CEP290: variants seen among roughly 807,000 people sequenced by gnomAD.
CEP290 encodes the protein centrosomal protein of 290 kDa.
A neutral mutation model predicts 344.9 loss-of-function variants in CEP290; 317 were observed. The observed-to-expected ratio is 0.92, with a 90% confidence interval of 0.84 to 1.01. CEP290 has a LOEUF of 1.01. Ranked by LOEUF, CEP290 falls within the 50% of genes least tolerant of loss-of-function variation. The pLI is 0.00. For synonymous variants in CEP290, 932 were observed against 895.8 expected (o/e 1.04, Z -0.72); for missense variants, 2,754 against 2,761.4 (o/e 1.00, Z 0.06).
rs1565822601 is a variant in CEP290, at chr12:88,077,789, C to A, written c.5494G>T (p.Ala1832Ser). 2 of 1,564,018 alleles carry A rather than the reference C, an allele frequency of 1.3e-6. No homozygotes were observed. The highest frequency in any genetic ancestry group is 1.4e-5 in the African/African-American group (1 of 73,102). The change falls in exon 40 of 54, where the codon GCC (alanine) becomes TCC (serine). Residue 1832 changes from alanine to serine, a missense_variant. By Grantham distance (99) the Ala-to-Ser change is moderately conservative. Transcript: ENST00000552810. ...LNNELQKKQK[A>S]YNKILREKEE... Reference sequence around the variant, plus strand: ...TTCTCTCTAAGTATTTTATTATAGGCTTTTTGTTTCTTTTGCAGTTCATTA... The same window carrying A: ...TTCTCTCTAAGTATTTTATTATAGGATTTTTGTTTCTTTTGCAGTTCATTA...
intron 11 of CEP290, among the ~76,000 whole-genome samples, chr12:88,127,366 T>C (rs1394443330): frequency 3.9e-5 from 6 of 152,154 alleles, no homozygotes; most frequent in African/African-American, 1.4e-4. Flanking sequence ...CACATGCCTG[T>C]AATCCCAGCT....
At chr12:88,082,281 CAA>C (rs1210540806) in intron 37 of CEP290, among the ~76,000 whole-genome samples, 1 of 152,138 alleles carries the variant, frequency 6.6e-6, no homozygotes, top group Admixed American at 6.5e-5. Context: ...AGTGTGTAAT[CAA>C]AAGTTTTCTA....
chr12:88,124,134 T>G (rs1328175272), intron 13 of CEP290, among the ~76,000 whole-genome samples: 1 of 152,052 alleles, frequency 6.6e-6, no homozygotes, highest in Admixed American at 6.6e-5. Context: ...TAAGTCAAAT[T>G]ATATCATTTC....
chr12:88,126,530 T>C (rs916591934), intron 11 of CEP290, 92 bp from the exon 12 acceptor site: 2 of 836,304 alleles, frequency 2.4e-6, no homozygotes, highest in Non-Finnish European at 3.4e-6. Flanking sequence ...TTAGTAGATT[T>C]ATGATACAGA....
chr12:88,050,479 G>A (rs368103779), intron 52 of CEP290, 46 bp from the exon 53 acceptor site: 48 of 883,508 alleles, frequency 5.4e-5, no homozygotes, highest in Non-Finnish European at 8.6e-5. Context: ...TTCCCACTAC[G>A]AATGAGTTCA....
rs760540562 is a variant in CEP290 at position 88,058,868 on chromosome 12, C to T, written c.6798G>A (p.Trp2266Ter). The T allele has an allele frequency of 2.5e-5, 41 of 1,613,676 alleles. No individual in the cohort carries two copies. The East Asian group carries it at 5.1e-4, about 20-fold the overall frequency. Residue 2266 changes from tryptophan (W) to a stop codon, truncating the protein, a stop_gained, in exon 49 of 54, where the codon TGG (tryptophan) becomes TGA (stop). Transcript: ENST00000552810. LOFTEE classifies it high-confidence loss of function. The stretch of plus-strand genomic sequence containing the variant: ...CCTACCTTGTAACCACAATGGATTT[C>T]CAGCTCTTACTGTCAGCACCTTCAA... ...PQLEGADSKS[W>*]KSIVVTRMYE...
Position 88,087,487 on chromosome 12 carries a change from G to A in CEP290, c.4194+293C>T, listed in dbSNP as rs532304987. On this transcript the variant is annotated intron_variant, in intron 32 of 53. Coordinates refer to ENST00000552810, the MANE Select transcript of CEP290 (RefSeq NM_025114.4). ...TGTAATCCCAGCACTTTGGGAGGCC[G>A]AGGCGGGCGGATCATGAGGTCAGGA... Among the ~76,000 whole-genome samples the A allele has an allele frequency of 2.2e-4, 34 of 151,966 alleles. 1 individual carries two copies. The Middle Eastern group carries it at 0.024, about 106-fold the overall frequency.
In CEP290 at chr12:88,093,052, A is replaced by C. The variant is rs79102523; in HGVS notation, c.3310-220T>G. Among the ~76,000 whole-genome samples the C allele has an allele frequency of 2.2e-3, 333 of 152,218 alleles. 2 individuals are homozygous for C. Among genetic ancestry groups the C allele is most frequent in the African/African-American group, 7.6e-3 (317 of 41,570 alleles). On this transcript the variant is annotated intron_variant, in intron 28 of 53. Coordinates refer to ENST00000552810, the MANE Select transcript of CEP290 (RefSeq NM_025114.4). ...GTTATATTCCAATCCACCAAAAGTC[A>C]TTTTTATTAGGCAACTCATTATCTA...
At chr12:88,116,133 T>C (rs1318772157) in intron 18 of CEP290, 2 of 860,220 alleles carry the variant, frequency 2.3e-6, no homozygotes, top group African/African-American at 3.7e-5. Context: ...ATTGCTTTTT[T>C]GTACAAAACT....
chr12:88,114,301 G>A, intron 20 of CEP290, 119 bp downstream of exon 20: 1 of 771,596 alleles, frequency 1.3e-6, no homozygotes, highest in Non-Finnish European at 1.9e-6. Flanking sequence ...TTTACATACA[G>A]GGAAACAATG....
chr12:88,122,788 A>T (rs990725593), intron 13 of CEP290, among the ~76,000 whole-genome samples: 9 of 152,136 alleles, frequency 5.9e-5, no homozygotes, highest in Admixed American at 3.9e-4. Context: ...TAAACACATA[A>T]ATAGAAATAC....
intron 41 of CEP290, among the ~76,000 whole-genome samples, chr12:88,072,341 T>C (rs1380507883): frequency 6.6e-6 from 1 of 152,122 alleles, no homozygotes; most frequent in Admixed American, 6.5e-5. Context: ...ATCAGAATTT[T>C]CCACTTGTGG....
chr12:88,054,788 ATAGGGT>A (rs1413374226), intron 50 of CEP290, among the ~76,000 whole-genome samples: 2 of 152,088 alleles, frequency 1.3e-5, no homozygotes, highest in African/African-American at 2.4e-5. Flanking sequence ...GGCAAGTAGT[ATAGGGT>A]TAGGGTTAGG....
intron 27 of CEP290, among the ~76,000 whole-genome samples, chr12:88,095,350 A>G (rs989699410): frequency 6.6e-6 from 1 of 152,160 alleles, no homozygotes; most frequent in Admixed American, 6.5e-5. Flanking sequence ...ATTTTTAAAC[A>G]AAGATATAAG....
At chr12:88,141,140 C>T in intron 2 of CEP290, 66 bp downstream of exon 2, 1 of 1,285,384 alleles carries the variant, frequency 7.8e-7, no homozygotes, top group Non-Finnish European at 1.0e-6. Context: ...AAAATAAATT[C>T]ATATTTTATT....
Position 88,083,896 on chromosome 12 carries a change from A to T in CEP290, c.4763T>A (p.Leu1588Ter). Reference protein sequence around the residue: ...EEDLHILHHRLELQADSSLNK... With the variant: ...EEDLHILHHR ...TAGTGAACTATCAGCCTGTAGTTCT[A>T]ATCTGTGATGAAGAATATGAAGGTC... is the stretch of plus-strand genomic sequence containing the variant. The change falls in exon 36 of 54, where the codon TTA becomes TAA. Residue 1588 changes from leucine (L) to a stop codon, truncating the protein, a stop_gained. Transcript: ENST00000552810. LOFTEE classifies it high-confidence loss of function. 6.2e-7 allele frequency: 1 copy of T among 1,600,776 alleles called. No individual in the cohort carries two copies. The highest frequency in any genetic ancestry group is 8.5e-7 in the Non-Finnish European group (1 of 1,173,442).
chr12:88,119,888 C>T (rs979930488), intron 15 of CEP290, among the ~76,000 whole-genome samples: 1 of 152,036 alleles, frequency 6.6e-6, no homozygotes, highest in Non-Finnish European at 1.5e-5. Context: ...AGATGCTAGA[C>T]CAAATAAAGC....
intron 49 of CEP290, among the ~76,000 whole-genome samples, chr12:88,057,248 T>C (rs2136679155): frequency 6.6e-6 from 1 of 152,288 alleles, no homozygotes; most frequent in Admixed American, 6.5e-5. Context: ...TAGTAAGAAT[T>C]AGGGTCTTTC....
At chr12:88,127,779 T>C (rs1420207756) in intron 11 of CEP290, among the ~76,000 whole-genome samples, 1 of 152,158 alleles carries the variant, frequency 6.6e-6, no homozygotes. Context: ...GGATATTCAT[T>C]AAAACAGTTT....
Sources: allele counts gnomAD v4.1 joint callset (sites outside exome capture counted in the v4.1 genomes callset), GRCh38; gene constraint gnomAD v4.1.1; transcripts MANE v1.5; gene names NCBI Gene and HGNC (gene_info 2026-07-23, HGNC 2026-07-21).